STXBP5L: variants seen among roughly 807,000 people sequenced by gnomAD.
STXBP5L encodes the protein syntaxin-binding protein 5-like.
In STXBP5L, 65 loss-of-function variants were observed where a neutral mutation model predicts 144.5. That is an observed-to-expected ratio of 0.45 (90% confidence interval 0.37 to 0.55). The LOEUF is 0.55. Among genes scored for constraint, STXBP5L ranks in the 20% least tolerant of loss-of-function variants. The pLI, the probability that STXBP5L is intolerant of heterozygous loss-of-function variation, is 0.00. For synonymous variants in STXBP5L, 505 were observed against 469.6 expected (o/e 1.08, Z -0.97); for missense variants, 1,298 against 1,405.5 (o/e 0.92, Z 1.22).
intron 9 of STXBP5L, among the ~76,000 whole-genome samples, chr3:121,166,452 C>A (rs1041126082): frequency 6.6e-6 from 1 of 151,940 alleles, no homozygotes; most frequent in East Asian, 1.9e-4. Context: ...TTCTTAATTT[C>A]TATAATTAGT....
intron 20 of STXBP5L, among the ~76,000 whole-genome samples, chr3:121,333,133 G>A (rs2044381428): frequency 6.6e-6 from 1 of 152,114 alleles, no homozygotes; most frequent in African/African-American, 2.4e-5. Flanking sequence ...GGAAACTCTT[G>A]AAAGGCTTAA....
At chr3:121,274,856 A>G (rs905684437) in intron 18 of STXBP5L, among the ~76,000 whole-genome samples, 1 of 152,170 alleles carries the variant, frequency 6.6e-6, no homozygotes. Flanking sequence ...AACAGGGTGT[A>G]TCAGAGGCCT....
intron 5 of STXBP5L, among the ~76,000 whole-genome samples, chr3:121,095,318 T>A (rs1324261055): frequency 6.6e-6 from 1 of 152,204 alleles, no homozygotes; most frequent in Non-Finnish European, 1.5e-5. Context: ...ATTTCCTGAA[T>A]TTGAATGTTG....
chr3:121,382,504 T>C lies in STXBP5L; in HGVS notation c.2587+972T>C, dbSNP rs2046343954. ...ACAATTCTTTTGACTGGTGAGTTAGTTGGAGTCAAATCAGTGATACCATAA... is the reference window on the plus strand; with the variant it reads ...ACAATTCTTTTGACTGGTGAGTTAGCTGGAGTCAAATCAGTGATACCATAA... On this transcript the variant is annotated intron_variant, in intron 22 of 26. Coordinates refer to ENST00000471454, the MANE Select transcript of STXBP5L (RefSeq NM_001308330.2). Among the ~76,000 whole-genome samples the C allele has an allele frequency of 2.6e-5, 4 of 152,098 alleles. No individual in the cohort carries two copies. In the South Asian group the frequency reaches 8.3e-4, roughly 31 times the overall value.
intron 3 of STXBP5L, among the ~76,000 whole-genome samples, chr3:120,965,855 A>T (rs983281983): frequency 1.3e-5 from 2 of 152,188 alleles, no homozygotes; most frequent in Admixed American, 6.5e-5. Context: ...CTCCTGGATA[A>T]TAACCTGAAG....
intron 3 of STXBP5L, among the ~76,000 whole-genome samples, chr3:120,966,961 T>C (rs1939654311): frequency 6.6e-6 from 1 of 152,134 alleles, no homozygotes; most frequent in Non-Finnish European, 1.5e-5. Flanking sequence ...TGCCCAATTC[T>C]AGCTTCCTGG....
chr3:121,031,219 T>C (rs1200983218), intron 3 of STXBP5L, among the ~76,000 whole-genome samples: 1 of 152,100 alleles, frequency 6.6e-6, no homozygotes, highest in Non-Finnish European at 1.5e-5. Context: ...ATTTTCATTG[T>C]AGAAAGATGA....
chr3:121,072,347 G>A (rs1018706996), intron 5 of STXBP5L, among the ~76,000 whole-genome samples: 4 of 152,352 alleles, frequency 2.6e-5, no homozygotes, highest in South Asian at 2.1e-4. Context: ...CGTGTTGGCC[G>A]CTGCCATGGA....
intron 5 of STXBP5L, among the ~76,000 whole-genome samples, chr3:121,067,840 A>G (rs1469120947): frequency 6.6e-6 from 1 of 152,192 alleles, no homozygotes; most frequent in Non-Finnish European, 1.5e-5. Context: ...ATTATAAAAT[A>G]TCTCTTTCTC....
chr3:121,187,296 C>A lies in STXBP5L; in HGVS notation c.878-18627C>A, dbSNP rs567766945. 4.0e-5 allele frequency among the ~76,000 whole-genome samples: 6 copies of A among 150,796 alleles called. No homozygotes were observed. The South Asian group carries it at 1.3e-3, about 32-fold the overall frequency. On this transcript the variant is annotated intron_variant, in intron 9 of 26. Transcript: ENST00000471454. ...AACCATCATTCTGAGCAAACTATTG[C>A]AAGGACAAAAAAACAAACACTGCAT...
chr3:121,072,749 C>T (rs2041859030), intron 5 of STXBP5L, among the ~76,000 whole-genome samples: 1 of 152,194 alleles, frequency 6.6e-6, no homozygotes, highest in South Asian at 2.1e-4. Flanking sequence ...TCACCTCCTC[C>T]TGTTTGTTGT....
At chr3:121,269,481 C>T (rs893543930) in intron 18 of STXBP5L, among the ~76,000 whole-genome samples, 9 of 151,770 alleles carry the variant, frequency 5.9e-5, no homozygotes, top group South Asian at 4.2e-4. Flanking sequence ...TGGGTCAGAA[C>T]AAAGATAGTT....
chr3:121,304,275 C>T (rs2043256530), intron 19 of STXBP5L, among the ~76,000 whole-genome samples: 1 of 152,088 alleles, frequency 6.6e-6, no homozygotes, highest in Non-Finnish European at 1.5e-5. Flanking sequence ...GACAATTCTA[C>T]CATCATTGCT....
chr3:121,109,790 G>T (rs1559757113), intron 5 of STXBP5L, among the ~76,000 whole-genome samples: 1 of 152,050 alleles, frequency 6.6e-6, no homozygotes, highest in Non-Finnish European at 1.5e-5. Context: ...CTGTGTCAAT[G>T]ATCTAATATT....
chr3:121,003,028 G>C (rs954137590), intron 3 of STXBP5L, among the ~76,000 whole-genome samples: 1 of 152,140 alleles, frequency 6.6e-6, no homozygotes, highest in Admixed American at 6.5e-5. Flanking sequence ...GTGTGCATGT[G>C]TCTTTATAGC....
chr3:121,226,494 A>G (rs781023253), intron 11 of STXBP5L, among the ~76,000 whole-genome samples: 2 of 152,176 alleles, frequency 1.3e-5, no homozygotes, highest in Non-Finnish European at 2.9e-5. Context: ...CAAGGAGACT[A>G]TAGTATCCTA....
At chr3:121,118,326 A>C (rs758972244) in intron 6 of STXBP5L, among the ~76,000 whole-genome samples, 9 of 151,758 alleles carry the variant, frequency 5.9e-5, no homozygotes, top group Non-Finnish European at 1.2e-4. Context: ...CTGAGATCCA[A>C]GGGGTGAGTT....
intron 3 of STXBP5L, among the ~76,000 whole-genome samples, chr3:120,985,876 G>A (rs1213390238): frequency 6.6e-6 from 1 of 151,384 alleles, no homozygotes; most frequent in Admixed American, 6.6e-5. Context: ...CCAACTTTTG[G>A]TTTCACTGAT....
At chr3:121,062,981 T>G (rs574748985) in intron 5 of STXBP5L, among the ~76,000 whole-genome samples, 1 of 152,298 alleles carries the variant, frequency 6.6e-6, no homozygotes, top group Non-Finnish European at 1.5e-5. Context: ...GAGTTTGTTA[T>G]TACCCATCTT....
Sources: allele counts gnomAD v4.1 joint callset (sites outside exome capture counted in the v4.1 genomes callset), GRCh38; gene constraint gnomAD v4.1.1; transcripts MANE v1.5; gene names NCBI Gene and HGNC (gene_info 2026-07-23, HGNC 2026-07-21).